HECW1: variants seen among roughly 807,000 people sequenced by gnomAD.
HECW1 encodes HECT, C2 and WW domain containing E3 ubiquitin protein ligase 1.
In HECW1, 61 loss-of-function variants were observed where a neutral mutation model predicts 182.3. The observed-to-expected ratio is 0.33, with a 90% CI of 0.27 to 0.41. The LOEUF (loss-of-function observed/expected upper bound fraction) is 0.41. HECW1 is among the 10% of genes least tolerant of loss of function. HECW1 has a pLI of 1.00. For synonymous variants in HECW1, 859 were observed against 832.6 expected (o/e 1.03, Z -0.55); for missense variants, 1,739 against 2,108.9 (o/e 0.82, Z 3.44).
intron 4 of HECW1, among the ~76,000 whole-genome samples, 170 bp downstream of exon 4, chr7:43,312,257 A>G (rs755223358): frequency 6.6e-6 from 1 of 152,268 alleles, no homozygotes; most frequent in Non-Finnish European, 1.5e-5. Flanking sequence ...AAAATGGACA[A>G]TAAGGTCTCT....
intron 29 of HECW1, among the ~76,000 whole-genome samples, chr7:43,556,340 G>A (rs778773216): frequency 5.3e-5 from 8 of 152,142 alleles, no homozygotes; most frequent in Non-Finnish European, 7.4e-5. Context: ...TAAGATGCCC[G>A]GAGCAACATC....
intron 2 of HECW1, among the ~76,000 whole-genome samples, chr7:43,167,279 C>T (rs1791230896): frequency 6.6e-6 from 1 of 152,204 alleles, no homozygotes; most frequent in Non-Finnish European, 1.5e-5. Context: ...TTCATCTCCA[C>T]ATGGCCTCCT....
chr7:43,438,281 C>G, intron 9 of HECW1, 136 bp downstream of exon 9: 1 of 710,170 alleles, frequency 1.4e-6, no homozygotes, highest in Non-Finnish European at 2.2e-6. Context: ...GTTTTTCCTA[C>G]TAATTATGTT....
intron 2 of HECW1, chr7:43,118,587 T>C (rs1166196666): frequency 6.6e-6 from 1 of 152,252 alleles, no homozygotes; most frequent in East Asian, 1.9e-4. Context: ...TAAGTTTTTA[T>C]CCTCAAAAGG....
chr7:43,129,953 A>G (rs944734380), intron 2 of HECW1, among the ~76,000 whole-genome samples: 5 of 152,232 alleles, frequency 3.3e-5, no homozygotes, highest in African/African-American at 9.6e-5. Context: ...AAAAGTCTGT[A>G]CATGTTCATA....
chr7:43,168,527 G>T (rs1225443540), intron 2 of HECW1, among the ~76,000 whole-genome samples: 1 of 152,022 alleles, frequency 6.6e-6, no homozygotes. Context: ...AGGCATGATG[G>T]TGTGTGCCTG....
intron 2 of HECW1, among the ~76,000 whole-genome samples, chr7:43,161,373 A>G (rs1339713149): frequency 6.6e-6 from 1 of 152,174 alleles, no homozygotes; most frequent in Admixed American, 6.5e-5. Context: ...GAGATCCCAT[A>G]GCAACCTCTC....
At chr7:43,216,149 T>C (rs1291276267) in intron 2 of HECW1, among the ~76,000 whole-genome samples, 2 of 152,098 alleles carry the variant, frequency 1.3e-5, no homozygotes. Flanking sequence ...TGTTTGTTTT[T>C]GTTTTTGTTT....
intron 2 of HECW1, among the ~76,000 whole-genome samples, chr7:43,149,134 T>C (rs1418659035): frequency 1.3e-5 from 2 of 152,208 alleles, no homozygotes; most frequent in African/African-American, 4.8e-5. Context: ...ATTTGCATAG[T>C]ATCAATGTAT....
chr7:43,539,811 A>T (rs934486508), intron 24 of HECW1, among the ~76,000 whole-genome samples: 1 of 152,240 alleles, frequency 6.6e-6, no homozygotes, highest in Non-Finnish European at 1.5e-5. Flanking sequence ...TATTTAGAGT[A>T]GGTGAGCCAA....
At chr7:43,376,276 A>G (rs1172339273) in intron 6 of HECW1, among the ~76,000 whole-genome samples, 1 of 152,100 alleles carries the variant, frequency 6.6e-6, no homozygotes, top group Non-Finnish European at 1.5e-5. Context: ...GAAAAATGTC[A>G]CCGTAATAAT....
chr7:43,226,559 G>A (rs980776007), intron 2 of HECW1, among the ~76,000 whole-genome samples: 3 of 152,172 alleles, frequency 2.0e-5, no homozygotes, highest in Non-Finnish European at 4.4e-5. Flanking sequence ...GGTCGAAAAC[G>A]ACAGTAAAGC....
chr7:43,459,884 A>G (rs942555915), intron 13 of HECW1, among the ~76,000 whole-genome samples: 1 of 152,158 alleles, frequency 6.6e-6, no homozygotes, highest in Non-Finnish European at 1.5e-5. Flanking sequence ...TTCCATATGC[A>G]TGCACAATTC....
At chr7:43,411,299 T>G (rs2075796296) in intron 8 of HECW1, among the ~76,000 whole-genome samples, 1 of 152,184 alleles carries the variant, frequency 6.6e-6, no homozygotes, top group African/African-American at 2.4e-5. Context: ...CTAAATATCT[T>G]CTTGTTACTG....
chr7:43,328,705 C>T (rs1416147302), intron 5 of HECW1, among the ~76,000 whole-genome samples: 3 of 152,152 alleles, frequency 2.0e-5, no homozygotes, highest in Admixed American at 2.0e-4. Flanking sequence ...CAGAAAACAG[C>T]CAGAAAGATA....
chr7:43,456,602 AAGCTAGATTTAGAATT>A (rs1280463664), intron 13 of HECW1, among the ~76,000 whole-genome samples, 155 bp downstream of exon 13: 1 of 151,926 alleles, frequency 6.6e-6, no homozygotes, highest in Non-Finnish European at 1.5e-5. Flanking sequence ...GGTATTTGGA[AAGCTAGATTTAGAATT>A]TGGAGGCGAG....
At chr7:43,147,304 T>C (rs1273339821) in intron 2 of HECW1, 1 of 152,128 alleles carries the variant, frequency 6.6e-6, no homozygotes, top group Non-Finnish European at 1.5e-5. Flanking sequence ...AATTGAGAAT[T>C]GAGCTTTACA....
rs1401414866 is a variant in HECW1, at chr7:43,113,504, G to A, written c.-267+567G>A. On this transcript the variant is annotated intron_variant, in intron 1 of 29. Coordinates refer to ENST00000395891, the MANE Select transcript of HECW1 (RefSeq NM_015052.5). ...GTCCGGCCCTTGCTCCCATGGACGGGTGCAGGAGGGGAGGAGGCGCTGTGT... is the reference window on the plus strand; with the variant it reads ...GTCCGGCCCTTGCTCCCATGGACGGATGCAGGAGGGGAGGAGGCGCTGTGT... 9 of 169,718 alleles carry A rather than the reference G, an allele frequency of 5.3e-5. No homozygotes were observed. The East Asian group carries it at 9.9e-4, about 19-fold the overall frequency. The allele number at this position is 169,718 out of a possible 1,614,324, so 10.5% of individuals were successfully genotyped here.
At chr7:43,238,089 T>G (rs907005274) in intron 2 of HECW1, among the ~76,000 whole-genome samples, 3 of 152,236 alleles carry the variant, frequency 2.0e-5, no homozygotes, top group Admixed American at 2.0e-4. Flanking sequence ...CTATTATTCT[T>G]AGAAGACAGC....
Sources: gnomAD v4.1 joint callset for allele counts (sites outside exome capture counted in the v4.1 genomes callset) on GRCh38, gnomAD v4.1.1 for gene constraint, MANE v1.5 for transcripts, NCBI Gene and HGNC (gene_info 2026-07-23, HGNC 2026-07-21) for gene names.